PCNX2: variants seen among roughly 807,000 people sequenced by gnomAD.
PCNX2 encodes the protein pecanex-like protein 2.
Under a neutral mutation model 223.8 loss-of-function variants are expected in PCNX2, and 168 were observed. The observed-to-expected ratio is 0.75, with a 90% CI of 0.66 to 0.85. PCNX2 has a LOEUF of 0.85. Ranked by LOEUF, PCNX2 falls within the 40% of genes least tolerant of loss-of-function variation. The pLI, the probability that PCNX2 is intolerant of heterozygous loss-of-function variation, is 0.00. For missense variants in PCNX2, 2,507 were observed against 2,675.5 expected (o/e 0.94, Z 1.39); for synonymous variants, 1,006 against 1,052.6 (o/e 0.96, Z 0.86).
chr1:233,082,280 T>C (rs878872479), intron 23 of PCNX2, among the ~76,000 whole-genome samples: 4 of 152,192 alleles, frequency 2.6e-5, no homozygotes, highest in Non-Finnish European at 4.4e-5. Flanking sequence ...AGGATCGCCA[T>C]TGTTACTGCT....
intron 21 of PCNX2, among the ~76,000 whole-genome samples, chr1:233,118,640 C>T (rs188119677): frequency 6.6e-6 from 1 of 151,970 alleles, no homozygotes; most frequent in Non-Finnish European, 1.5e-5. Context: ...AAAAGGATCA[C>T]ATAAATTGTA....
rs1295855569 is a variant in PCNX2, at chr1:233,001,146, A to G, written c.5097+391T>C. On this transcript the variant is annotated intron_variant, in intron 29 of 33. Transcript: ENST00000258229. The surrounding 1 kb of genome is among the most constrained non-coding windows in gnomAD (Gnocchi z 4.2). ...ACTCCCGGGCTCAAGCTATCCTCCCACCTTAACCTCCCGAGTAGCTGAGCG... is the reference window on the plus strand; with the variant it reads ...ACTCCCGGGCTCAAGCTATCCTCCCGCCTTAACCTCCCGAGTAGCTGAGCG... 1.3e-5 allele frequency among the ~76,000 whole-genome samples: 2 copies of G among 151,924 alleles called. No homozygotes were observed. The highest frequency in any genetic ancestry group is 2.9e-5 in the Non-Finnish European group (2 of 67,946).
At chr1:233,042,878 T>C (rs1010981682) in intron 25 of PCNX2, among the ~76,000 whole-genome samples, 1 of 152,156 alleles carries the variant, frequency 6.6e-6, no homozygotes, top group Non-Finnish European at 1.5e-5. Context: ...AACACTATGA[T>C]ACAAATTCCA....
At chr1:233,236,139 T>C (rs1464752244) in intron 9 of PCNX2, among the ~76,000 whole-genome samples, 2 of 151,994 alleles carry the variant, frequency 1.3e-5, no homozygotes, top group East Asian at 3.9e-4. Flanking sequence ...AACCAATCTT[T>C]CTTCAGGGCC....
chr1:233,050,494 T>C (rs998603055), intron 25 of PCNX2, among the ~76,000 whole-genome samples: 2 of 151,986 alleles, frequency 1.3e-5, no homozygotes, highest in African/African-American at 4.8e-5. Context: ...CATAGACCAA[T>C]GGAACAGAAT....
chr1:233,237,154 T>C (rs1453731236), intron 8 of PCNX2, among the ~76,000 whole-genome samples, 174 bp from the exon 9 acceptor site: 1 of 152,142 alleles, frequency 6.6e-6, no homozygotes, highest in Non-Finnish European at 1.5e-5. Flanking sequence ...TACCTTCAGG[T>C]AGAAGGTCAA....
chr1:233,001,586 A>G lies in PCNX2; in HGVS notation c.5048T>C (p.Leu1683Pro). ...GATAGCTGGAGCTACAACTTTATGC[A>G]GTAGGTCCATGTCAGCAAATACCCA... ...DEWVFADMDL[L>P]HKVVAPAIRM... Residue 1683 changes from leucine (L) to proline (P), a missense_variant, in exon 29 of 34, where the codon CTG (leucine) becomes CCG (proline). Around this residue, in one of 3 missense-constraint regions of PCNX2, gnomAD observed 1,372 missense variants for 1,509.4 expected, o/e 0.91. Coordinates refer to ENST00000258229, the MANE Select transcript of PCNX2 (RefSeq NM_014801.4). This position sits in a 1 kb window ranked among gnomAD's most constrained non-coding sequence, Gnocchi z 4.2. The G allele has an allele frequency of 6.4e-7, 1 of 1,553,364 alleles. No homozygotes were observed. The highest frequency in any genetic ancestry group is 8.7e-7 in the Non-Finnish European group (1 of 1,145,534).
In PCNX2 at chr1:232,991,951, G is replaced by A. The variant is rs1312304408; in HGVS notation, c.5792-5411C>T. ...TCTGAGCTGAAGCCATCATTCAACAGAAGAACAACGTGAACTGATTTAAGT... is the reference window on the plus strand; with the variant it reads ...TCTGAGCTGAAGCCATCATTCAACAAAAGAACAACGTGAACTGATTTAAGT... On this transcript the variant is annotated intron_variant, in intron 32 of 33. Coordinates refer to ENST00000258229, the MANE Select transcript of PCNX2 (RefSeq NM_014801.4). The surrounding 1 kb of genome is among the most constrained non-coding windows in gnomAD (Gnocchi z 4.3). 6.6e-6 allele frequency among the ~76,000 whole-genome samples: 1 copy of A among 152,224 alleles called. No individual in the cohort carries two copies. The highest frequency in any genetic ancestry group is 1.9e-4 in the East Asian group (1 of 5,198).
At chr1:233,026,652 T>C (rs983534166) in intron 25 of PCNX2, among the ~76,000 whole-genome samples, 2 of 152,172 alleles carry the variant, frequency 1.3e-5, no homozygotes, top group Non-Finnish European at 2.9e-5. Flanking sequence ...CTGATGAGAA[T>C]TGTTGATGAA....
intron 23 of PCNX2, among the ~76,000 whole-genome samples, chr1:233,084,913 A>T (rs566537840): frequency 6.6e-6 from 1 of 152,214 alleles, no homozygotes; most frequent in Non-Finnish European, 1.5e-5. Context: ...ATCAAGACAG[A>T]TTTTTAAAGA....
intron 21 of PCNX2, chr1:233,112,918 G>C: frequency 1.6e-6 from 2 of 1,289,346 alleles, no homozygotes; most frequent in Non-Finnish European, 2.0e-6. Context: ...GCAGTAACTT[G>C]CATGGTTTGA....
chr1:233,259,878 T>C (rs1176069175), intron 4 of PCNX2: 1 of 870,958 alleles, frequency 1.1e-6, no homozygotes, highest in Non-Finnish European at 1.4e-6. Context: ...ACAATAAAAA[T>C]AAAACAAATG....
intron 5 of PCNX2, among the ~76,000 whole-genome samples, chr1:233,254,505 GT>G (rs796306262): frequency 1.5e-4 from 23 of 152,042 alleles, no homozygotes; most frequent in African/African-American, 5.5e-4. Context: ...CATATGGACG[GT>G]TTTTTTCCTT....
chr1:233,206,794 C>T (rs1003767151), intron 13 of PCNX2, among the ~76,000 whole-genome samples: 1 of 151,728 alleles, frequency 6.6e-6, no homozygotes, highest in Non-Finnish European at 1.5e-5. Flanking sequence ...CTGAGGTGGG[C>T]GGATCACTTG....
At chr1:233,227,180 C>T in intron 10 of PCNX2, 46 bp downstream of exon 10, 1 of 1,552,364 alleles carries the variant, frequency 6.4e-7, no homozygotes, top group South Asian at 1.2e-5. Context: ...ACTGTCACGT[C>T]CCCGGTGTGC....
At chr1:233,045,211 T>G (rs1319558183) in intron 25 of PCNX2, among the ~76,000 whole-genome samples, 1 of 152,206 alleles carries the variant, frequency 6.6e-6, no homozygotes, top group Non-Finnish European at 1.5e-5. Context: ...TTTGTAGTCA[T>G]GTCAATCGTG....
intron 1 of PCNX2, among the ~76,000 whole-genome samples, chr1:233,273,630 AT>A (rs386369983): frequency 1.5e-3 from 221 of 146,184 alleles, no homozygotes; most frequent in Admixed American, 2.0e-3. Context: ...CTCTTTTGGC[AT>A]TTTTTTTTTT....
At position 233,292,705 on chromosome 1, in the gene PCNX2, G is replaced by A. The variant is rs528087646; in HGVS notation, c.153+2621C>T. ...AGTGCAGAGGAATATATTTAAGCACGAAGATCTGAAGAACAAAGCCTCCAT... is the reference window on the plus strand; with the variant it reads ...AGTGCAGAGGAATATATTTAAGCACAAAGATCTGAAGAACAAAGCCTCCAT... On this transcript the variant is annotated intron_variant, in intron 1 of 33. Coordinates refer to ENST00000258229, the MANE Select transcript of PCNX2 (RefSeq NM_014801.4). Among the ~76,000 whole-genome samples the A allele has an allele frequency of 1.1e-4, 17 of 152,252 alleles. No individual in the cohort carries two copies. The South Asian group carries it at 2.7e-3, about 24-fold the overall frequency.
intron 15 of PCNX2, among the ~76,000 whole-genome samples, chr1:233,184,461 T>C (rs1398100925): frequency 6.6e-6 from 1 of 152,160 alleles, no homozygotes; most frequent in Non-Finnish European, 1.5e-5. Context: ...GGGGTACCCA[T>C]GATGGATGGT....
Sources: gnomAD v4.1 joint callset for allele counts (sites outside exome capture counted in the v4.1 genomes callset) on GRCh38, gnomAD v4.1.1 for gene constraint, gnomAD v4.1.1 regional missense constraint, Gnocchi (gnomAD v3.1) non-coding constraint, MANE v1.5 for transcripts, NCBI Gene and HGNC (gene_info 2026-07-23, HGNC 2026-07-21) for gene names.